Variants in CADM2 observed in about 807,000 individuals in gnomAD.
CADM2 encodes the protein cell adhesion molecule 2.
In CADM2, 12 loss-of-function variants were observed where a neutral mutation model predicts 49.8. The ratio of observed to expected loss-of-function variants is 0.24; its 90% CI spans 0.15 to 0.39. The LOEUF is 0.39. CADM2 is among the 10% of genes least tolerant of loss of function. The probability of loss-of-function intolerance (pLI) is 1.00; values close to 1 mark genes in which losing one functional copy is unlikely to be tolerated. For missense variants in CADM2, 378 were observed against 492.3 expected (o/e 0.77, Z 2.20); for synonymous variants, 214 against 175.4 (o/e 1.22, Z -1.74).
rs5850688 is a variant in CADM2 at position 85,446,604 on chromosome 3, G to GTT, written c.62-279904_62-279903dup. ...TGTGTGTGAGTTTTTTTTGTTTTTT[G>GTT]TTTTTTTTTTTTTTTGAGACGGAGT... On this transcript the variant is annotated intron_variant, in intron 1 of 9. Transcript: ENST00000383699. Among the ~76,000 whole-genome samples, 843 of 131,940 alleles carry GTT rather than the reference G, an allele frequency of 6.4e-3. 22 individuals are homozygous for GTT. The East Asian group carries it at 0.07, about 11-fold the overall frequency. 86.6% of individuals were successfully genotyped at this position (131,940 alleles called of 152,430 possible). A position where few individuals can be genotyped will look rare whatever the true frequency, so the allele number is the denominator to read the frequency against.
intron 1 of CADM2, among the ~76,000 whole-genome samples, chr3:85,618,788 A>G (rs62263918): frequency 0.53 from 79,804 of 151,822 alleles, 23,712 homozygotes; most frequent in East Asian, 0.82. Context: ...AAAATTTGTG[A>G]CAATAGTGTC....
intron 1 of CADM2, among the ~76,000 whole-genome samples, chr3:85,359,546 C>T (rs909469000): frequency 2.0e-5 from 3 of 147,860 alleles, no homozygotes; most frequent in Non-Finnish European, 4.5e-5. Flanking sequence ...TCTAAGGCAA[C>T]CCTGAAGTGA....
intron 1 of CADM2, among the ~76,000 whole-genome samples, chr3:85,680,074 A>G (rs2065996517): frequency 6.6e-6 from 1 of 152,100 alleles, no homozygotes; most frequent in Non-Finnish European, 1.5e-5. Flanking sequence ...AAGCATTTCA[A>G]TTACTATTAA....
At chr3:85,329,693 T>C (rs1361569824) in intron 1 of CADM2, among the ~76,000 whole-genome samples, 1 of 152,178 alleles carries the variant, frequency 6.6e-6, no homozygotes, top group African/African-American at 2.4e-5. Context: ...TTATATATGG[T>C]AATATGATAT....
intron 1 of CADM2, among the ~76,000 whole-genome samples, chr3:85,360,905 G>A (rs1327670558): frequency 3.9e-5 from 6 of 152,122 alleles, no homozygotes; most frequent in Non-Finnish European, 8.8e-5. Context: ...GGAACCATCA[G>A]CAGTGTGGCA....
intron 1 of CADM2, among the ~76,000 whole-genome samples, chr3:85,174,861 T>C (rs1326024549): frequency 2.0e-5 from 3 of 152,178 alleles, no homozygotes; most frequent in Admixed American, 2.0e-4. Flanking sequence ...TCATACGTTT[T>C]AGTTTACTGT....
intron 1 of CADM2, among the ~76,000 whole-genome samples, chr3:85,721,280 A>G (rs1254025780): frequency 6.6e-6 from 1 of 152,218 alleles, no homozygotes; most frequent in Non-Finnish European, 1.5e-5. Flanking sequence ...TGCTGCAAAT[A>G]CATTTGAATC....
intron 1 of CADM2, among the ~76,000 whole-genome samples, chr3:85,404,585 C>A (rs1201016748): frequency 2.0e-5 from 3 of 152,154 alleles, no homozygotes; most frequent in Non-Finnish European, 1.5e-5. Flanking sequence ...GAAAAATAAT[C>A]AATCTATGTA....
intron 1 of CADM2, among the ~76,000 whole-genome samples, chr3:85,548,114 T>A (rs1357590316): frequency 1.5e-5 from 2 of 136,662 alleles, no homozygotes; most frequent in African/African-American, 5.0e-5. Context: ...TTACTTTCTC[T>A]ATTTATGAAA....
At chr3:85,320,695 A>G (rs1576344363) in intron 1 of CADM2, among the ~76,000 whole-genome samples, 1 of 152,242 alleles carries the variant, frequency 6.6e-6, no homozygotes, top group Non-Finnish European at 1.5e-5. Flanking sequence ...GTCTTTTCCA[A>G]TGTCAGCAAT....
At chr3:85,874,773 A>T (rs1711575693) in intron 3 of CADM2, among the ~76,000 whole-genome samples, 1 of 152,178 alleles carries the variant, frequency 6.6e-6, no homozygotes, top group Non-Finnish European at 1.5e-5. Context: ...GTTTTGAAGA[A>T]GGAAACAAAA....
At chr3:85,621,427 A>G (rs1404976254) in intron 1 of CADM2, among the ~76,000 whole-genome samples, 1 of 152,192 alleles carries the variant, frequency 6.6e-6, no homozygotes, top group African/African-American at 2.4e-5. Context: ...AGCAATTTAT[A>G]AGTATTCTAT....
At chr3:85,425,080 T>TTTTCCTAAGACTTTTC (rs2036340287) in intron 1 of CADM2, among the ~76,000 whole-genome samples, 1 of 152,190 alleles carries the variant, frequency 6.6e-6, no homozygotes, top group African/African-American at 2.4e-5. Flanking sequence ...TTTATTACGA[T>TTTTCCTAAGACTTTTC]ATAAATGAAA....
chr3:85,947,599 G>A (rs1193263967), intron 7 of CADM2, among the ~76,000 whole-genome samples: 1 of 151,234 alleles, frequency 6.6e-6, no homozygotes, highest in African/African-American at 2.4e-5. Context: ...TCTTTTCTGA[G>A]GTCCATATGG....
intron 1 of CADM2, among the ~76,000 whole-genome samples, chr3:85,495,679 G>T (rs1203824862): frequency 2.0e-5 from 3 of 152,036 alleles, no homozygotes; most frequent in Admixed American, 1.3e-4. Flanking sequence ...ATCCGGTCCT[G>T]CTGAGGCTGC....
At chr3:85,573,995 A>G (rs2062557150) in intron 1 of CADM2, among the ~76,000 whole-genome samples, 1 of 152,148 alleles carries the variant, frequency 6.6e-6, no homozygotes, top group Non-Finnish European at 1.5e-5. Flanking sequence ...CTGACTGGTT[A>G]TTTCAGATTA....
chr3:85,107,708 T>C (rs1296454361), intron 1 of CADM2, among the ~76,000 whole-genome samples: 4 of 149,204 alleles, frequency 2.7e-5, no homozygotes, highest in Non-Finnish European at 5.9e-5. Flanking sequence ...TCTTTCTTTT[T>C]TTTTTTTTTT....
At chr3:85,137,639 C>A (rs1203053005) in intron 1 of CADM2, among the ~76,000 whole-genome samples, 3 of 151,930 alleles carry the variant, frequency 2.0e-5, no homozygotes, top group Non-Finnish European at 4.4e-5. Context: ...AGTGTTTTTA[C>A]CAAAGCACTT....
intron 3 of CADM2, among the ~76,000 whole-genome samples, chr3:85,863,723 A>G (rs1200281247): frequency 6.6e-6 from 1 of 152,192 alleles, no homozygotes; most frequent in Non-Finnish European, 1.5e-5. Context: ...AAATGATTGA[A>G]ACAGAAAGTG....
Sources: allele counts gnomAD v4.1 joint callset (sites outside exome capture counted in the v4.1 genomes callset), GRCh38; gene constraint gnomAD v4.1.1; transcripts MANE v1.5; gene names NCBI Gene and HGNC (gene_info 2026-07-23, HGNC 2026-07-21).